Variants in TGM2 observed in about 807,000 individuals in gnomAD.
The protein encoded by TGM2 is transglutaminase 2.
TGM2 carries 53 observed loss-of-function variants against 75.6 expected under a neutral mutation model. That is an observed-to-expected ratio of 0.70 (90% CI 0.56 to 0.88). The LOEUF (loss-of-function observed/expected upper bound fraction) is 0.88, where lower values mean the gene tolerates loss of function less well. TGM2 is among the 40% of genes least tolerant of loss of function. The pLI, the probability that TGM2 is intolerant of heterozygous loss-of-function variation, is 0.00. For synonymous variants in TGM2, 374 were observed against 381.1 expected (o/e 0.98, Z 0.22); for missense variants, 842 against 928.5 (o/e 0.91, Z 1.21).
chr20:38,138,321 C>T lies in TGM2; in HGVS notation c.1407G>A (p.Glu469=). 2 of 1,614,218 alleles carry T rather than the reference C, an allele frequency of 1.2e-6. No homozygotes were observed. Among genetic ancestry groups the T allele is most frequent in the Non-Finnish European group, 8.5e-7 (1 of 1,180,046 alleles). The change falls in exon 10 of 13, where the codon GAG becomes GAA. Residue 469 remains glutamate (E), a synonymous_variant. Transcript: ENST00000361475. ...GGATCCGCATGGCCATCCCTGTCTC[C>T]TCCTTCTCGGCCAGTTTGTTCAGGT... ...ANHLNKLAEK[E]ETGMAMRIRV...
At chr20:38,144,084 G>A (rs991508873) in intron 6 of TGM2, among the ~76,000 whole-genome samples, 8 of 152,210 alleles carry the variant, frequency 5.3e-5, no homozygotes, top group South Asian at 2.1e-4. Flanking sequence ...AGGACAGACC[G>A]GAGGACGGGG....
At position 38,139,603 on chromosome 20, in the gene TGM2, A is replaced by G; in HGVS notation, c.1151T>C (p.Leu384Pro). Residue 384 changes from leucine to proline, a missense_variant, in exon 9 of 13, where the codon CTG becomes CCG. Coordinates refer to ENST00000361475, the MANE Select transcript of TGM2 (RefSeq NM_004613.4). ...VPVRAIKEGD[L>P]STKYDAPFVF... is the part of the protein sequence containing the mutation. ...AAAGGGCGCATCGTACTTGGTGCTC[A>G]GGTCGCCCTCCTTGATGGCACGAAC... 2 of 1,614,180 alleles carry G rather than the reference A, an allele frequency of 1.2e-6. No individual in the cohort carries two copies. The highest frequency in any genetic ancestry group is 1.7e-6 in the Non-Finnish European group (2 of 1,180,030).
At chr20:38,153,045 G>C (rs1050141790) in intron 3 of TGM2, among the ~76,000 whole-genome samples, 21 of 131,516 alleles carry the variant, frequency 1.6e-4, no homozygotes, top group African/African-American at 4.1e-4. Context: ...GGGCGGGGGG[G>C]GGGATCCAGT....
At chr20:38,157,422 G>A (rs2122958601) in intron 2 of TGM2, among the ~76,000 whole-genome samples, 1 of 152,314 alleles carries the variant, frequency 6.6e-6, no homozygotes, top group South Asian at 2.1e-4. Context: ...CCTACGTCTG[G>A]CTCCCTGACT....
At chr20:38,134,406 C>T (rs778698973) in intron 10 of TGM2, among the ~76,000 whole-genome samples, 18 of 152,130 alleles carry the variant, frequency 1.2e-4, no homozygotes, top group Non-Finnish European at 2.4e-4. Flanking sequence ...CTAGCTAGCT[C>T]CACAGGAAAG....
At chr20:38,165,143 T>C (rs747013188) in intron 1 of TGM2, 46 bp downstream of exon 1, 5 of 1,613,782 alleles carry the variant, frequency 3.1e-6, no homozygotes, top group South Asian at 2.2e-5. Flanking sequence ...TGACCCCCAA[T>C]GCCCCGGGGC....
chr20:38,135,121 G>A (rs1490834616), intron 10 of TGM2, among the ~76,000 whole-genome samples: 1 of 152,238 alleles, frequency 6.6e-6, no homozygotes, highest in Non-Finnish European at 1.5e-5. Flanking sequence ...TGCCAGTGCG[G>A]AACAATGCTC....
intron 2 of TGM2, among the ~76,000 whole-genome samples, chr20:38,159,789 A>G (rs4811529): frequency 0.15 from 23,072 of 152,134 alleles, 1,921 homozygotes; most frequent in East Asian, 0.27. Flanking sequence ...CAGCTTTCCC[A>G]TCTGCAAAAT....
At chr20:38,159,957 A>G (rs2075234588) in intron 2 of TGM2, among the ~76,000 whole-genome samples, 1 of 152,210 alleles carries the variant, frequency 6.6e-6, no homozygotes, top group Non-Finnish European at 1.5e-5. Context: ...TTCACTTCGT[A>G]AAGGGGGAAA....
At chr20:38,152,576 T>C (rs2075126725) in intron 3 of TGM2, among the ~76,000 whole-genome samples, 1 of 152,088 alleles carries the variant, frequency 6.6e-6, no homozygotes, top group Non-Finnish European at 1.5e-5. Flanking sequence ...CCAGCTCAGG[T>C]CCCCATCTGG....
At chr20:38,147,042 ACAGACTGGTGTGCGG>A in intron 5 of TGM2, 148 bp from the exon 6 acceptor site, 2 of 817,554 alleles carry the variant, frequency 2.4e-6, no homozygotes, top group Admixed American at 2.1e-5. Context: ...CCATCGTGTG[ACAGACTGGTGTGCGG>A]CAGATGGTGG....
chr20:38,168,014 A>T (rs928620566), upstream of TGM2, among the ~76,000 whole-genome samples: 10 of 152,204 alleles, frequency 6.6e-5, no homozygotes, highest in Non-Finnish European at 1.2e-4. Context: ...CAGCAGCCAA[A>T]CAGTCAGCCC....
At chr20:38,154,025 G>T (rs927110579) in intron 3 of TGM2, among the ~76,000 whole-genome samples, 2 of 152,060 alleles carry the variant, frequency 1.3e-5, no homozygotes, top group African/African-American at 2.4e-5. Context: ...CGCCATGTTG[G>T]CCAGGCTGGT....
intron 10 of TGM2, among the ~76,000 whole-genome samples, chr20:38,137,306 G>A (rs1407548962): frequency 1.3e-5 from 2 of 152,132 alleles, no homozygotes; most frequent in South Asian, 2.1e-4. Flanking sequence ...CCAACATGGT[G>A]AAATCCCATC....
chr20:38,132,293 G>A, intron 11 of TGM2, 47 bp downstream of exon 11: 1 of 1,611,828 alleles, frequency 6.2e-7, no homozygotes, highest in Non-Finnish European at 8.5e-7. Context: ...CCTCTCCCCA[G>A]CGCTGAGCTG....
At chr20:38,130,399 G>A (rs571444105) in intron 12 of TGM2, 30 bp from the exon 13 acceptor site, 3 of 1,566,408 alleles carry the variant, frequency 1.9e-6, no homozygotes, top group Non-Finnish European at 2.6e-6. Context: ...GGTGAGGAAA[G>A]GGGCCCAAGG....
chr20:38,137,250 C>T (rs554174345), intron 10 of TGM2, among the ~76,000 whole-genome samples: 9 of 152,128 alleles, frequency 5.9e-5, no homozygotes, highest in South Asian at 4.1e-4. Context: ...TTTGGGAGGC[C>T]GAGGCAGGTA....
At chr20:38,154,093 C>G (rs1459722184) in intron 3 of TGM2, among the ~76,000 whole-genome samples, 1 of 151,878 alleles carries the variant, frequency 6.6e-6, no homozygotes, top group Non-Finnish European at 1.5e-5. Context: ...GCCGGGATTA[C>G]AGGTGTGGGA....
intron 10 of TGM2, among the ~76,000 whole-genome samples, chr20:38,133,919 T>C (rs1271698469): frequency 6.6e-6 from 1 of 152,154 alleles, no homozygotes. Flanking sequence ...AGTGAGACCC[T>C]GTCTCAAGGG....
Sources: allele counts gnomAD v4.1 joint callset (sites outside exome capture counted in the v4.1 genomes callset), GRCh38; gene constraint gnomAD v4.1.1; transcripts MANE v1.5; gene names NCBI Gene and HGNC (gene_info 2026-07-23, HGNC 2026-07-21).